The following MBD5 variants were observed in gnomAD, a reference collection of about 807,000 sequenced individuals.
The protein encoded by MBD5 is methyl-CpG binding domain protein 5, also known as methyl-CpG-binding domain protein 5.
A neutral mutation model predicts 117.3 loss-of-function variants in MBD5; 13 were observed. The observed-to-expected ratio is 0.11, with a 90% CI of 0.07 to 0.18. MBD5 has a LOEUF of 0.18. Ranked by LOEUF, MBD5 falls within the 10% of genes least tolerant of loss-of-function variation. The pLI is 1.00. For missense variants in MBD5, 1,879 were observed against 2,093.8 expected (o/e 0.90, Z 2.00); for synonymous variants, 727 against 766.4 (o/e 0.95, Z 0.85).
At chr2:148,477,786 T>C (rs1445891274) in intron 8 of MBD5, among the ~76,000 whole-genome samples, 1 of 152,186 alleles carries the variant, frequency 6.6e-6, no homozygotes, top group Non-Finnish European at 1.5e-5. Flanking sequence ...AAGCAAATGA[T>C]AAAGGTCAGA....
At chr2:148,336,534 G>A (rs1272181654) in intron 3 of MBD5, among the ~76,000 whole-genome samples, 2 of 152,058 alleles carry the variant, frequency 1.3e-5, no homozygotes, top group Non-Finnish European at 2.9e-5. Flanking sequence ...CTACCAGCAT[G>A]CACCACCACA....
chr2:148,265,647 C>T (rs1470862), intron 3 of MBD5, among the ~76,000 whole-genome samples: 144,128 of 152,228 alleles, frequency 0.95, 68,704 homozygotes, highest in East Asian at 1. Flanking sequence ...TAAAGGCTTT[C>T]AGTTGTTACC....
At chr2:148,298,869 A>G (rs1034345891) in intron 3 of MBD5, among the ~76,000 whole-genome samples, 3 of 152,316 alleles carry the variant, frequency 2.0e-5, no homozygotes, top group Admixed American at 2.0e-4. Flanking sequence ...GTTTATATAC[A>G]TGGCATTCTG....
At chr2:148,423,574 C>T (rs1042275619) in intron 4 of MBD5, among the ~76,000 whole-genome samples, 41 of 152,132 alleles carry the variant, frequency 2.7e-4, no homozygotes, top group Non-Finnish European at 3.4e-4. Flanking sequence ...AATGAAGAAC[C>T]GATACCAGCC....
Position 148,447,569 on chromosome 2 carries a change from G to C in MBD5, c.-556-10634G>C, listed in dbSNP as rs528019761. 3.3e-5 allele frequency: 5 copies of C among 152,280 alleles called. No homozygotes were observed. The East Asian group carries it at 9.6e-4, about 29-fold the overall frequency. The allele number at this position is 152,280 out of a possible 1,614,324, so 9.4% of individuals were successfully genotyped here. A position where few individuals can be genotyped will look rare whatever the true frequency, so the allele number is the denominator to read the frequency against. On this transcript the variant is annotated intron_variant, in intron 4 of 13. Transcript: ENST00000642680. Reference sequence around the variant, plus strand: ...TCTCAAGGTACTTTCTATTCCAGAAGTTGGAAACCCACATGCCTATAGAGG... The same window carrying C: ...TCTCAAGGTACTTTCTATTCCAGAACTTGGAAACCCACATGCCTATAGAGG...
intron 4 of MBD5, among the ~76,000 whole-genome samples, chr2:148,446,602 C>CTATGTGTGTGTG (rs1553516216): frequency 0.3 from 44,491 of 148,782 alleles, 8,094 homozygotes; most frequent in Non-Finnish European, 0.37. Flanking sequence ...GATTATTTAT[C>CTATGTGTGTGTG]TGTGTGTGTG....
intron 1 of MBD5, among the ~76,000 whole-genome samples, chr2:148,090,121 C>T (rs1256136051): frequency 6.6e-6 from 1 of 151,872 alleles, no homozygotes; most frequent in Non-Finnish European, 1.5e-5. Context: ...ATACAAGCCT[C>T]CTAGATTAAA....
chr2:148,157,957 G>T (rs1039058291), intron 1 of MBD5, among the ~76,000 whole-genome samples: 1 of 152,088 alleles, frequency 6.6e-6, no homozygotes, highest in South Asian at 2.1e-4. Flanking sequence ...AGAGGTGGTG[G>T]TTACACAATA....
In MBD5 at chr2:148,056,433, A is replaced by T. The variant is rs551876662; in HGVS notation, c.-925+34749A>T. On this transcript the variant is annotated intron_variant, in intron 1 of 13. Coordinates refer to ENST00000642680, the MANE Select transcript of MBD5 (RefSeq NM_001378120.1). ...ATAAAAGGAATACGTTCCAGGTGTT[A>T]CCTTTAATTATTACTCTTTTTTTCT... 3.3e-5 allele frequency among the ~76,000 whole-genome samples: 5 copies of T among 152,096 alleles called. No individual in the cohort carries two copies. The East Asian group carries it at 7.7e-4, about 23-fold the overall frequency.
chr2:148,166,712 G>A (rs557754534), intron 1 of MBD5, among the ~76,000 whole-genome samples: 4 of 152,174 alleles, frequency 2.6e-5, no homozygotes, highest in African/African-American at 9.6e-5. Flanking sequence ...ACCTCTCCCT[G>A]CTATGTTTTC....
intron 3 of MBD5, among the ~76,000 whole-genome samples, chr2:148,273,292 G>A (rs1462799371): frequency 6.6e-6 from 1 of 152,138 alleles, no homozygotes; most frequent in Non-Finnish European, 1.5e-5. Context: ...TCTTCCTGAA[G>A]CTAACCCCCA....
chr2:148,230,205 A>C (rs1465541106), intron 2 of MBD5, among the ~76,000 whole-genome samples: 1 of 152,164 alleles, frequency 6.6e-6, no homozygotes, highest in Non-Finnish European at 1.5e-5. Context: ...AGAGTAAAAA[A>C]ATCTCAGAAG....
At chr2:148,421,989 G>A (rs1194935035) in intron 4 of MBD5, among the ~76,000 whole-genome samples, 1 of 152,204 alleles carries the variant, frequency 6.6e-6, no homozygotes, top group Non-Finnish European at 1.5e-5. Context: ...GGGGGAAGGG[G>A]CAGTTGTGGG....
intron 1 of MBD5, among the ~76,000 whole-genome samples, chr2:148,162,193 C>A (rs575507904): frequency 6.6e-6 from 1 of 152,240 alleles, no homozygotes; most frequent in Non-Finnish European, 1.5e-5. Flanking sequence ...TGTGCCTACA[C>A]TATTTGTCAA....
At position 148,106,589 on chromosome 2, in the gene MBD5, TTG is replaced by T. The variant is rs567665610; in HGVS notation, c.-924-72107_-924-72106del. 4.2e-3 allele frequency among the ~76,000 whole-genome samples: 643 copies of T among 152,016 alleles called. 3 individuals carry two copies. The highest frequency in any genetic ancestry group is 0.014 in the Middle Eastern group (4 of 292). On this transcript the variant is annotated intron_variant, in intron 1 of 13. Transcript: ENST00000642680. ...TATATTTGAATTTATTTCCACCACT[TTG>T]TGTTTTTATTTTCCTATTATTTTTT...
At chr2:148,489,281 T>C in intron 10 of MBD5, 105 bp from the exon 11 acceptor site, 2 of 1,350,848 alleles carry the variant, frequency 1.5e-6, no homozygotes, top group Non-Finnish European at 2.1e-6. Flanking sequence ...TCCTTCCTTG[T>C]TAATATTTGT....
chr2:148,224,452 C>G (rs990738616), intron 2 of MBD5, among the ~76,000 whole-genome samples: 3 of 151,222 alleles, frequency 2.0e-5, no homozygotes, highest in Non-Finnish European at 4.4e-5. Context: ...AAGCAATTCT[C>G]CTGCCTCAGC....
Position 148,265,785 on chromosome 2 carries a change from G to A in MBD5, c.-680+32390G>A, listed in dbSNP as rs961494489. On this transcript the variant is annotated intron_variant, in intron 3 of 13. Transcript: ENST00000642680. ...AAGTAGGATTTCATTTCTTTTATTTGTTCAACGAGTATTTTTGAGACTCTG... is the reference window on the plus strand; with the variant it reads ...AAGTAGGATTTCATTTCTTTTATTTATTCAACGAGTATTTTTGAGACTCTG... Among the ~76,000 whole-genome samples, 4 of 152,112 alleles carry A rather than the reference G, an allele frequency of 2.6e-5. No homozygotes were observed. The East Asian group carries it at 5.8e-4, about 22-fold the overall frequency.
intron 1 of MBD5, among the ~76,000 whole-genome samples, chr2:148,051,625 G>GTGTC (rs1694706622): frequency 6.6e-6 from 1 of 150,898 alleles, no homozygotes; most frequent in African/African-American, 2.4e-5. Flanking sequence ...GTGTGTGTGT[G>GTGTC]TGTGTGTGTG....
Sources: gnomAD v4.1 joint callset for allele counts (sites outside exome capture counted in the v4.1 genomes callset) on GRCh38, gnomAD v4.1.1 for gene constraint, MANE v1.5 for transcripts, NCBI Gene and HGNC (gene_info 2026-07-23, HGNC 2026-07-21) for gene names.